ADAMTS12: variants seen among roughly 807,000 people sequenced by gnomAD.
The protein encoded by ADAMTS12 is A disintegrin and metalloproteinase with thrombospondin motifs 12.
In ADAMTS12, 118 loss-of-function variants were observed where a neutral mutation model predicts 167.8. That is an observed-to-expected ratio of 0.70 (90% CI 0.61 to 0.82). ADAMTS12 has a LOEUF of 0.82. Among genes scored for constraint, ADAMTS12 ranks in the 40% least tolerant of loss-of-function variants. ADAMTS12 has a pLI of 0.00. For missense variants in ADAMTS12, 1,916 were observed against 1,998.8 expected (o/e 0.96, Z 0.79); for synonymous variants, 704 against 716.9 (o/e 0.98, Z 0.29).
At chr5:33,859,059 G>A (rs545067110) in intron 2 of ADAMTS12, among the ~76,000 whole-genome samples, 104 of 152,326 alleles carry the variant, frequency 6.8e-4, no homozygotes, top group African/African-American at 2.5e-3. Flanking sequence ...CAGGGCCCTG[G>A]ATTTCAAGCG....
chr5:33,637,784 T>A (rs143588136), intron 11 of ADAMTS12, 38 bp from the exon 12 acceptor site: 106 of 1,603,618 alleles, frequency 6.6e-5, no homozygotes, highest in Non-Finnish European at 8.9e-5. Context: ...TTTAGTTTGC[T>A]TCAACGCCAG....
At chr5:33,697,287 GAA>G (rs1261005715) in intron 3 of ADAMTS12, among the ~76,000 whole-genome samples, 1 of 152,114 alleles carries the variant, frequency 6.6e-6, no homozygotes, top group Non-Finnish European at 1.5e-5. Context: ...CCATCCATAA[GAA>G]ACAGAATCAC....
Position 33,786,603 on chromosome 5 carries a change from A to G in ADAMTS12, c.490-35055T>C, listed in dbSNP as rs113559978. On this transcript the variant is annotated intron_variant, in intron 2 of 23. Coordinates refer to ENST00000504830, the MANE Select transcript of ADAMTS12 (RefSeq NM_030955.4). ...CTGATATGCATTGCCTCCCAAGCAT[A>G]TTACCCCTGAGAACCTCTTCTCTTG... is the stretch of plus-strand genomic sequence containing the variant. 2.0e-3 allele frequency among the ~76,000 whole-genome samples: 307 copies of G among 152,202 alleles called. 5 individuals are homozygous for G. Among genetic ancestry groups the G allele is most frequent in the African/African-American group, 5.6e-3 (233 of 41,532 alleles).
chr5:33,730,300 G>GTGTGTGTGTGTC (rs1744145288), intron 3 of ADAMTS12, among the ~76,000 whole-genome samples: 1 of 151,130 alleles, frequency 6.6e-6, no homozygotes, highest in African/African-American at 2.4e-5. Flanking sequence ...GTGTGTGTGT[G>GTGTGTGTGTGTC]TGTGTGTGTG....
intron 2 of ADAMTS12, among the ~76,000 whole-genome samples, chr5:33,817,043 T>C (rs186252856): frequency 4.6e-5 from 7 of 152,292 alleles, no homozygotes; most frequent in East Asian, 1.9e-4. Context: ...TATGAGCTGA[T>C]CACTCAAGCT....
intron 2 of ADAMTS12, 142 bp from the exon 3 acceptor site, chr5:33,751,690 AAG>A (rs1744988039): frequency 2.7e-6 from 2 of 728,170 alleles, no homozygotes; most frequent in Non-Finnish European, 4.5e-6. Flanking sequence ...GATCTCATAG[AAG>A]AGTTACATAC....
intron 2 of ADAMTS12, among the ~76,000 whole-genome samples, chr5:33,790,649 T>C (rs1746525096): frequency 6.6e-6 from 1 of 150,762 alleles, no homozygotes; most frequent in Non-Finnish European, 1.5e-5. Context: ...TGTAAATTGG[T>C]CAACAGAGCT....
chr5:33,824,969 G>C (rs1748005575), intron 2 of ADAMTS12, among the ~76,000 whole-genome samples: 1 of 152,152 alleles, frequency 6.6e-6, no homozygotes, highest in South Asian at 2.1e-4. Context: ...ACTGGAAGGA[G>C]AGTTATTTCT....
At chr5:33,650,363 G>T (rs958528713) in intron 7 of ADAMTS12, among the ~76,000 whole-genome samples, 2 of 152,164 alleles carry the variant, frequency 1.3e-5, no homozygotes, top group African/African-American at 4.8e-5. Flanking sequence ...GATCTGAATA[G>T]AATAAAGTTT....
At chr5:33,660,612 T>G (rs1490449954) in intron 6 of ADAMTS12, among the ~76,000 whole-genome samples, 1 of 152,176 alleles carries the variant, frequency 6.6e-6, no homozygotes, top group Non-Finnish European at 1.5e-5. Flanking sequence ...TCCCTGACTC[T>G]GGGGTTCTTC....
intron 2 of ADAMTS12, among the ~76,000 whole-genome samples, chr5:33,797,378 G>A (rs1323260476): frequency 7.1e-6 from 1 of 141,528 alleles, no homozygotes; most frequent in Non-Finnish European, 1.6e-5. Flanking sequence ...AGTAAACACT[G>A]GAATTAAAGA....
intron 16 of ADAMTS12, among the ~76,000 whole-genome samples, chr5:33,604,109 A>C (rs746970504): frequency 5.3e-5 from 8 of 152,238 alleles, no homozygotes; most frequent in Non-Finnish European, 1.2e-4. Flanking sequence ...CTATTCATGG[A>C]GTAACCAAAT....
At chr5:33,587,090 C>T (rs1275889803) in intron 18 of ADAMTS12, among the ~76,000 whole-genome samples, 1 of 150,906 alleles carries the variant, frequency 6.6e-6, no homozygotes, top group African/African-American at 2.4e-5. Flanking sequence ...ACATCCTGTA[C>T]AGATTCAGAA....
chr5:33,693,299 A>G (rs977530801), intron 3 of ADAMTS12, among the ~76,000 whole-genome samples: 1 of 152,216 alleles, frequency 6.6e-6, no homozygotes, highest in Non-Finnish European at 1.5e-5. Flanking sequence ...TTGAGAAACC[A>G]TCTGCTCTTT....
At chr5:33,699,900 GA>G (rs1378072169) in intron 3 of ADAMTS12, among the ~76,000 whole-genome samples, 1 of 152,056 alleles carries the variant, frequency 6.6e-6, no homozygotes, top group Non-Finnish European at 1.5e-5. Context: ...TACACAAAGA[GA>G]ACTGAAGAGG....
intron 22 of ADAMTS12, among the ~76,000 whole-genome samples, chr5:33,541,184 G>A (rs1359550702): frequency 2.6e-5 from 4 of 152,182 alleles, no homozygotes; most frequent in East Asian, 1.9e-4. Context: ...ACTTCGTGAC[G>A]CATGCATAAG....
chr5:33,712,863 C>T (rs150786874), intron 3 of ADAMTS12, among the ~76,000 whole-genome samples: 182 of 152,144 alleles, frequency 1.2e-3, no homozygotes, highest in African/African-American at 4.3e-3. Context: ...GGCTTTGGGG[C>T]TGCAAAGTTG....
chr5:33,805,637 C>T (rs954814096), intron 2 of ADAMTS12, among the ~76,000 whole-genome samples: 3 of 152,128 alleles, frequency 2.0e-5, no homozygotes, highest in African/African-American at 7.2e-5. Context: ...ACAGAATAGA[C>T]CTATGCACTA....
At chr5:33,815,270 T>C (rs1169273709) in intron 2 of ADAMTS12, among the ~76,000 whole-genome samples, 1 of 152,202 alleles carries the variant, frequency 6.6e-6, no homozygotes, top group African/African-American at 2.4e-5. Flanking sequence ...AGTCATAGAT[T>C]GAAGCCCCAA....
Sources: gnomAD v4.1 joint callset for allele counts (sites outside exome capture counted in the v4.1 genomes callset) on GRCh38, gnomAD v4.1.1 for gene constraint, MANE v1.5 for transcripts, NCBI Gene and HGNC (gene_info 2026-07-23, HGNC 2026-07-21) for gene names.